The following COL4A4 variants were observed in gnomAD, a reference collection of about 807,000 sequenced individuals.
COL4A4 encodes the protein collagen alpha-4(IV) chain.
A neutral mutation model predicts 192.9 loss-of-function variants in COL4A4; 105 were observed. The ratio of observed to expected loss-of-function variants is 0.54; its 90% CI spans 0.46 to 0.64. The LOEUF (loss-of-function observed/expected upper bound fraction) is 0.64, where lower values mean the gene tolerates loss of function less well. Ranked by LOEUF, COL4A4 falls within the 30% of genes least tolerant of loss-of-function variation. The probability of loss-of-function intolerance (pLI) is 0.00; values close to 1 mark genes in which losing one functional copy is unlikely to be tolerated. For missense variants in COL4A4, 1,967 were observed against 2,169.3 expected (o/e 0.91, Z 1.85); for synonymous variants, 762 against 769.9 (o/e 0.99, Z 0.17).
intron 1 of COL4A4, among the ~76,000 whole-genome samples, chr2:227,148,976 G>C (rs2063738576): frequency 6.6e-6 from 1 of 151,760 alleles, no homozygotes; most frequent in South Asian, 2.1e-4. Context: ...TGAGTAGTTA[G>C]TGTGCCACCA....
At chr2:226,968,020 T>C in the COL4A4 span, among the ~76,000 whole-genome samples, 3 of 152,236 alleles carry the variant, frequency 2.0e-5, no homozygotes, top group South Asian at 2.1e-4. Flanking sequence ...GAGTTTTACT[T>C]ATCTCATAGG....
rs772209566 is a variant in COL4A4 at position 227,060,148 on chromosome 2, G to T, written c.2152C>A (p.Pro718Thr). ...AAACCTCACTGACCAGGTGGACCTG[G>T]TATTTCCGCTGTTCCTGGTGTGCCA... The part of the protein sequence containing the change: ...RPGTPGTAEI[P>T]GPPGFRGDMG... The change falls in exon 27 of 48, where the codon CCA (proline) becomes ACA (threonine). Residue 718 changes from proline to threonine, a missense_variant. Physicochemically the swap from Pro to Thr is conservative, Grantham distance 38. Transcript: ENST00000396625. 3 of 1,556,588 alleles carry T rather than the reference G, an allele frequency of 1.9e-6. No individual in the cohort carries two copies. Among genetic ancestry groups the T allele is most frequent in the Non-Finnish European group, 2.6e-6 (3 of 1,137,864 alleles).
chr2:226,970,932 T>G, the COL4A4 span, among the ~76,000 whole-genome samples: 1 of 152,202 alleles, frequency 6.6e-6, no homozygotes, highest in Non-Finnish European at 1.5e-5. Flanking sequence ...TCATTTCAAG[T>G]GTATTAAAAC....
intron 4 of COL4A4, among the ~76,000 whole-genome samples, chr2:227,135,641 C>CT (rs1370202638): frequency 3.9e-5 from 4 of 103,530 alleles, no homozygotes; most frequent in South Asian, 3.5e-4. Context: ...AGGCTGGAAT[C>CT]TATTTTTTTT....
rs1301312964 is a variant in COL4A4, at chr2:227,108,626, AG to A, written c.694-5del. ...TTACTCCCACACCGGGATTTCCCTG[AG>A]AAAGAAATGAAAAAGAATCTAATTG... On this transcript the variant is annotated splice_polypyrimidine_tract_variant and splice_region_variant and intron_variant, in intron 11 of 47. Coordinates refer to ENST00000396625, the MANE Select transcript of COL4A4 (RefSeq NM_000092.5). 6.2e-7 allele frequency: 1 copy of A among 1,613,956 alleles called. No homozygotes were observed. Among genetic ancestry groups the A allele is most frequent in the Non-Finnish European group, 8.5e-7 (1 of 1,179,904 alleles).
chr2:227,141,851 T>TGAA (rs1042868633), intron 3 of COL4A4, among the ~76,000 whole-genome samples: 2 of 152,062 alleles, frequency 1.3e-5, no homozygotes, highest in African/African-American at 4.8e-5. Flanking sequence ...CGGGACAGCA[T>TGAA]GAAAGCACTT....
the COL4A4 span, among the ~76,000 whole-genome samples, chr2:226,990,141 A>G: frequency 6.6e-6 from 1 of 152,238 alleles, no homozygotes; most frequent in Non-Finnish European, 1.5e-5. Context: ...AAGTGTGGTT[A>G]CTGTCTTTAA....
intron 3 of COL4A4, 144 bp downstream of exon 3, chr2:227,144,372 C>A: frequency 1.4e-6 from 1 of 690,008 alleles, no homozygotes; most frequent in East Asian, 2.7e-5. Flanking sequence ...TAAAAGAAAT[C>A]TTAGAGTTTA....
chr2:227,105,612 G>T (rs951006092), intron 12 of COL4A4, among the ~76,000 whole-genome samples: 10 of 152,106 alleles, frequency 6.6e-5, no homozygotes, highest in African/African-American at 2.4e-4. Flanking sequence ...CTGAAGAAAA[G>T]AATGTTTCTT....
intron 25 of COL4A4, among the ~76,000 whole-genome samples, chr2:227,071,080 G>A: frequency 6.6e-6 from 1 of 151,990 alleles, no homozygotes; most frequent in African/African-American, 2.4e-5. Context: ...CATGTTGAGT[G>A]TAAATGCTCC....
the COL4A4 span, among the ~76,000 whole-genome samples, chr2:226,969,549 T>C: frequency 6.6e-6 from 1 of 152,104 alleles, no homozygotes; most frequent in African/African-American, 2.4e-5. Context: ...CCAAGTTTCT[T>C]AGGTAATGGC....
Position 227,007,346 on chromosome 2 carries a change from C to T in COL4A4, c.5052G>A (p.Gln1684=). 4 of 1,614,252 alleles carry T rather than the reference C, an allele frequency of 2.5e-6. No individual in the cohort carries two copies. Among genetic ancestry groups the T allele is most frequent in the Non-Finnish European group, 3.4e-6 (4 of 1,180,050 alleles). ...QAQRQKISRC[Q]VCVKYS is the part of the protein sequence containing the mutation. ...TTCTCTAGCTATACTTCACGCAGACCTGGCACCGGCTGATTTTCTGGCGTT... is the reference window on the plus strand; with the variant it reads ...TTCTCTAGCTATACTTCACGCAGACTTGGCACCGGCTGATTTTCTGGCGTT... The change falls in exon 48 of 48, where the codon CAG becomes CAA. Residue 1684 remains glutamine, a synonymous_variant. Coordinates refer to ENST00000396625, the MANE Select transcript of COL4A4 (RefSeq NM_000092.5).
intron 44 of COL4A4, among the ~76,000 whole-genome samples, chr2:227,019,850 A>T (rs1459217236): frequency 1.3e-5 from 2 of 152,176 alleles, no homozygotes; most frequent in East Asian, 3.9e-4. Flanking sequence ...TATTTTAAGT[A>T]GAGACGGGGT....
chr2:227,098,887 A>T, intron 18 of COL4A4, 89 bp from the exon 19 acceptor site: 1 of 1,059,458 alleles, frequency 9.4e-7, no homozygotes. Context: ...GACTCAGTAA[A>T]GTATAATTAG....
rs1460231694 is a variant in COL4A4, at chr2:227,147,573, C to G, written c.-90G>C. 28 of 1,096,662 alleles carry G rather than the reference C, an allele frequency of 2.6e-5. No homozygotes were observed. The highest frequency in any genetic ancestry group is 3.5e-5 in the Non-Finnish European group (25 of 716,096). The allele number at this position is 1,096,662 out of a possible 1,614,324, so 67.9% of individuals were successfully genotyped here. On this transcript the variant is annotated 5_prime_UTR_variant, in exon 2 of 48. Coordinates refer to ENST00000396625, the MANE Select transcript of COL4A4 (RefSeq NM_000092.5). ...ACAAGTGAGGTTCTGTGTTCTGGGTCAAAGTCTGTTCCTGTTAGATATAAA... is the reference window on the plus strand; with the variant it reads ...ACAAGTGAGGTTCTGTGTTCTGGGTGAAAGTCTGTTCCTGTTAGATATAAA...
chr2:227,062,695 T>A, intron 25 of COL4A4, 97 bp from the exon 26 acceptor site: 1 of 849,998 alleles, frequency 1.2e-6, no homozygotes, highest in Non-Finnish European at 2.0e-6. Context: ...TTTTTCTGTA[T>A]AGTATATGCA....
At chr2:227,001,642 G>T (rs776691649), downstream of COL4A4, among the ~76,000 whole-genome samples, 1 of 152,314 alleles carries the variant, frequency 6.6e-6, no homozygotes, top group African/African-American at 2.4e-5. Flanking sequence ...ACAGACGAGG[G>T]TTTGGATTCT....
chr2:227,154,840 T>C (rs1182796214), intron 1 of COL4A4, among the ~76,000 whole-genome samples: 1 of 152,228 alleles, frequency 6.6e-6, no homozygotes, highest in African/African-American at 2.4e-5. Flanking sequence ...GCTACATTTT[T>C]TTCTGTTCAG....
intron 35 of COL4A4, among the ~76,000 whole-genome samples, chr2:227,045,860 A>AG (rs1559488303): frequency 0.035 from 3,156 of 90,120 alleles, 614 homozygotes; most frequent in South Asian, 0.063. Flanking sequence ...ACATATATAT[A>AG]TACACATATA....
Sources: allele counts gnomAD v4.1 joint callset (sites outside exome capture counted in the v4.1 genomes callset), GRCh38; gene constraint gnomAD v4.1.1; transcripts MANE v1.5; gene names NCBI Gene and HGNC (gene_info 2026-07-23, HGNC 2026-07-21).